Variants in SLC25A51 observed in about 807,000 individuals in gnomAD.
The protein encoded by SLC25A51 is mitochondrial nicotinamide adenine dinucleotide transporter SLC25A51.
A neutral mutation model predicts 19.1 loss-of-function variants in SLC25A51; 11 were observed. The observed-to-expected ratio is 0.58, with a 90% CI of 0.36 to 0.96. The LOEUF (loss-of-function observed/expected upper bound fraction) is 0.96. Ranked by LOEUF, SLC25A51 falls within the 40% of genes least tolerant of loss-of-function variation. The pLI is 0.01. For synonymous variants in SLC25A51, 105 were observed against 133.6 expected, an observed-to-expected ratio of 0.79 and a Z score of 1.47; for missense variants, 201 against 365.4, an observed-to-expected ratio of 0.55 and a Z score of 3.67.
At position 37,888,164 on chromosome 9, in the gene SLC25A51, C is replaced by G. The variant is rs147078712; in HGVS notation, c.387G>C (p.Gly129=). Residue 129 remains glycine, a synonymous_variant, in exon 3 of 3, where the codon GGG becomes GGC. Coordinates refer to ENST00000242275, the MANE Select transcript of SLC25A51 (RefSeq NM_033412.4). The part of the protein sequence containing the change: ...ATSGVAAVLA[G]TTEAIFTPLE... ...GTGGAGTGAAAATTGCTTCTGTTGT[C>G]CCTGCAAGCACTGCCGCCACGCCAC... is the stretch of plus-strand genomic sequence containing the variant. 48 of 1,613,848 alleles carry G rather than the reference C, an allele frequency of 3.0e-5. No individual in the cohort carries two copies. The highest frequency in any genetic ancestry group is 8.3e-5 in the Admixed American group (5 of 59,990).
At chr9:37,899,542 T>C (rs1418108883) in intron 2 of SLC25A51, among the ~76,000 whole-genome samples, 1 of 152,130 alleles carries the variant, frequency 6.6e-6, no homozygotes, top group Non-Finnish European at 1.5e-5. Context: ...TTTTTCACTT[T>C]TTTGTAGAGA....
At chr9:37,902,870 C>T (rs1190462429) in intron 1 of SLC25A51, among the ~76,000 whole-genome samples, 3 of 152,172 alleles carry the variant, frequency 2.0e-5, no homozygotes, top group African/African-American at 7.2e-5. Context: ...GCACAAAGGT[C>T]TCTGCAAAAA....
chr9:37,897,992 T>A (rs143329570), intron 2 of SLC25A51, among the ~76,000 whole-genome samples: 15 of 152,320 alleles, frequency 9.8e-5, no homozygotes, highest in Non-Finnish European at 2.1e-4. Context: ...CATAATTTCA[T>A]CTCACAAATC....
chr9:37,885,469 TTA>T (rs1376623756), downstream of SLC25A51, among the ~76,000 whole-genome samples: 1 of 151,632 alleles, frequency 6.6e-6, no homozygotes, highest in African/African-American at 2.4e-5. Context: ...CGACACCAAC[TTA>T]TATTTGGCCA....
intron 2 of SLC25A51, among the ~76,000 whole-genome samples, chr9:37,895,310 T>C (rs1181719606): frequency 1.3e-5 from 2 of 151,496 alleles, no homozygotes; most frequent in African/African-American, 4.9e-5. Context: ...CAAATGACCC[T>C]CCTGCCTCAG....
downstream of SLC25A51, chr9:37,885,934 C>G: frequency 6.2e-7 from 1 of 1,611,980 alleles, no homozygotes; most frequent in Middle Eastern, 1.7e-4. Context: ...ATGATAAAAC[C>G]ATTGATGAGG....
chr9:37,903,607 TTTCTGACACTTCACA>T (rs1318485487), intron 1 of SLC25A51: 5 of 152,304 alleles, frequency 3.3e-5, no homozygotes, highest in African/African-American at 1.2e-4. Context: ...TCCTCTTCCG[TTTCTGACACTTCACA>T]GTCAGGGGTC....
At chr9:37,903,350 T>C (rs543585378) in intron 1 of SLC25A51, among the ~76,000 whole-genome samples, 2 of 152,204 alleles carry the variant, frequency 1.3e-5, no homozygotes, top group East Asian at 3.9e-4. Flanking sequence ...AAACAAAGGT[T>C]TTGCAGGAAG....
rs540619006 is a variant in SLC25A51 at position 37,891,192 on chromosome 9, A to G, written c.-42-2600T>C. 2.6e-5 allele frequency among the ~76,000 whole-genome samples: 4 copies of G among 152,352 alleles called. No homozygotes were observed. In the East Asian group the frequency reaches 7.7e-4, roughly 29 times the overall value. On this transcript the variant is annotated intron_variant, in intron 2 of 2. Transcript: ENST00000242275. ...AATAATTCACACAACATGTACACAA[A>G]GATTCAGCCATCGCCCGGCCAGCCG...
chr9:37,896,425 C>T (rs919196721), intron 2 of SLC25A51, among the ~76,000 whole-genome samples: 5 of 152,198 alleles, frequency 3.3e-5, no homozygotes, highest in South Asian at 2.1e-4. Flanking sequence ...AGGTAAACTT[C>T]GGTGTACTCT....
intron 2 of SLC25A51, among the ~76,000 whole-genome samples, chr9:37,890,158 G>A (rs922005902): frequency 1.3e-5 from 2 of 152,168 alleles, no homozygotes; most frequent in Admixed American, 6.5e-5. Context: ...GCTGGGGCAG[G>A]AGGATTGCTT....
downstream of SLC25A51, chr9:37,886,003 T>C (rs889817133): frequency 9.9e-6 from 16 of 1,613,714 alleles, no homozygotes; most frequent in African/African-American, 2.7e-5. Flanking sequence ...ATTGGTCTAA[T>C]GACTGCCAAT....
At chr9:37,885,673 C>T (rs1351456872), downstream of SLC25A51, 10 of 1,228,494 alleles carry the variant, frequency 8.1e-6, no homozygotes, top group African/African-American at 3.0e-5. Context: ...AGGAGTTGCC[C>T]GAAACCGGAG....
chr9:37,898,108 T>A (rs1394550650), intron 2 of SLC25A51, among the ~76,000 whole-genome samples: 1 of 152,214 alleles, frequency 6.6e-6, no homozygotes, highest in Admixed American at 6.5e-5. Flanking sequence ...AAATTGTGCT[T>A]CCCATTAAAA....
intron 2 of SLC25A51, among the ~76,000 whole-genome samples, chr9:37,893,101 C>T (rs116688546): frequency 1.5e-3 from 230 of 152,280 alleles, no homozygotes; most frequent in Non-Finnish European, 1.1e-3. Context: ...TGGTCTTGAG[C>T]TTCTGGGCTG....
intron 1 of SLC25A51, among the ~76,000 whole-genome samples, chr9:37,902,018 A>G (rs1430961294): frequency 6.6e-6 from 1 of 152,236 alleles, no homozygotes; most frequent in Non-Finnish European, 1.5e-5. Context: ...TATTTAGATT[A>G]ATGTACATGA....
chr9:37,895,244 C>G (rs148460732), intron 2 of SLC25A51, among the ~76,000 whole-genome samples: 2,221 of 152,104 alleles, frequency 0.015, 26 homozygotes, highest in Middle Eastern at 0.037. Context: ...TTCTGTTGCC[C>G]AGGCTACGAT....
intron 3 of SLC25A51, among the ~76,000 whole-genome samples, chr9:37,881,050 T>C (rs1401706997): frequency 6.6e-6 from 1 of 152,210 alleles, no homozygotes; most frequent in Non-Finnish European, 1.5e-5. Flanking sequence ...CTCCTTTACC[T>C]TGCTGTCCTT....
chr9:37,885,879 C>G (rs868255876), downstream of SLC25A51: 13 of 1,504,642 alleles, frequency 8.6e-6, no homozygotes, highest in Middle Eastern at 2.2e-3. Context: ...GACGTGCAAA[C>G]CCCCCCCTCC....
Sources: gnomAD v4.1 joint callset for allele counts (sites outside exome capture counted in the v4.1 genomes callset) on GRCh38, gnomAD v4.1.1 for gene constraint, MANE v1.5 for transcripts, NCBI Gene and HGNC (gene_info 2026-07-23, HGNC 2026-07-21) for gene names.